Variants in CCDC175 observed in about 807,000 individuals in gnomAD.
CCDC175 encodes the protein coiled-coil domain-containing protein 175.
CCDC175 carries 100 observed loss-of-function variants against 114.6 expected under a neutral mutation model. The observed-to-expected ratio is 0.87, with a 90% CI of 0.74 to 1.03. The LOEUF is 1.03. CCDC175 is among the 50% of genes least tolerant of loss of function. The pLI, the probability that CCDC175 is intolerant of heterozygous loss-of-function variation, is 0.00. For synonymous variants in CCDC175, 306 were observed against 308.7 expected (o/e 0.99, Z 0.09); for missense variants, 880 against 917.8 (o/e 0.96, Z 0.53).
intron 7 of CCDC175, among the ~76,000 whole-genome samples, chr14:59,552,280 A>C (rs2103966): frequency 0.064 from 9,746 of 152,260 alleles, 413 homozygotes; most frequent in African/African-American, 0.11. Flanking sequence ...CTTGCAGAGG[A>C]ATGATCAGGC....
chr14:59,517,554 T>C (rs1893171189), intron 17 of CCDC175, among the ~76,000 whole-genome samples: 1 of 152,096 alleles, frequency 6.6e-6, no homozygotes, highest in African/African-American at 2.4e-5. Flanking sequence ...AAATCGTGAG[T>C]GAACTCCCAT....
chr14:59,515,283 A>T (rs1445214769), intron 17 of CCDC175, among the ~76,000 whole-genome samples: 2 of 152,224 alleles, frequency 1.3e-5, no homozygotes, highest in African/African-American at 4.8e-5. Context: ...ACCAGCTAAC[A>T]TCATAATGGC....
At chr14:59,522,771 G>T (rs10138007) in intron 16 of CCDC175, among the ~76,000 whole-genome samples, 59,151 of 152,136 alleles carry the variant, frequency 0.39, 12,294 homozygotes, top group African/African-American at 0.52. Context: ...TTCACCTGGT[G>T]TGGCAAGGTT....
In CCDC175 at chr14:59,531,871, C is replaced by G. The variant is rs1183029322; in HGVS notation, c.1663G>C (p.Glu555Gln). 7.7e-7 allele frequency: 1 copy of G among 1,294,462 alleles called. No individual in the cohort carries two copies. Among genetic ancestry groups the G allele is most frequent in the African/African-American group, 1.5e-5 (1 of 67,978 alleles). 80.2% of individuals were successfully genotyped at this position (1,294,462 alleles called of 1,614,324 possible). The change falls in exon 14 of 20, where the codon GAA becomes CAA. Residue 555 changes from glutamate to glutamine, a missense_variant. Transcript: ENST00000537690. The stretch of plus-strand genomic sequence containing the variant: ...GGAAGATACTCAACTAGTTCTTCTT[C>G]CTTTTCTTTGTTAATTTGTGTTTCC... ...VKETQINKEK[E>Q]EELVEYLPQL...
Position 59,555,844 on chromosome 14 carries a change from A to G in CCDC175, c.954-4408T>C, listed in dbSNP as rs573624791. 1.4e-3 allele frequency among the ~76,000 whole-genome samples: 213 copies of G among 152,336 alleles called. 1 individual carries two copies. Among genetic ancestry groups the G allele is most frequent in the African/African-American group, 4.9e-3 (202 of 41,576 alleles). On this transcript the variant is annotated intron_variant, in intron 7 of 19. Transcript: ENST00000537690. The stretch of plus-strand genomic sequence containing the variant: ...TAACAGACAAACAGAGAGCCAAATC[A>G]TGAGTGAACTCCCATTCACAATTGC...
chr14:59,520,924 G>C (rs2139980635), intron 17 of CCDC175, among the ~76,000 whole-genome samples: 1 of 152,278 alleles, frequency 6.6e-6, no homozygotes, highest in Admixed American at 6.5e-5. Context: ...GGTTACAATA[G>C]CATGTACATT....
chr14:59,509,767 C>T (rs1892645079), intron 19 of CCDC175, among the ~76,000 whole-genome samples: 1 of 152,160 alleles, frequency 6.6e-6, no homozygotes, highest in Non-Finnish European at 1.5e-5. Flanking sequence ...GCCTCAGCCT[C>T]CCAAAGTGCT....
chr14:59,543,361 T>C lies in CCDC175; in HGVS notation c.1266A>G (p.Thr422=). 3 of 1,385,854 alleles carry C rather than the reference T, an allele frequency of 2.2e-6. No individual in the cohort carries two copies. Among genetic ancestry groups the C allele is most frequent in the South Asian group, 1.4e-5 (1 of 69,544 alleles). 85.8% of individuals were successfully genotyped at this position (1,385,854 alleles called of 1,614,324 possible). A position where few individuals can be genotyped will look rare whatever the true frequency, so the allele number is the denominator to read the frequency against. The change falls in exon 10 of 20, where the codon ACA becomes ACG. Residue 422 remains threonine (T), a synonymous_variant. Coordinates refer to ENST00000537690, the MANE Select transcript of CCDC175 (RefSeq NM_001164399.2). ...DIKNMEEGLI[T]LQELQQATKT... ...AAACATACTGTTGAAGTTCCTGGAG[T>C]GTGATGAGTCCTTCTTCCATATTTT...
At chr14:59,576,586 G>A in intron 1 of CCDC175, 33 bp downstream of exon 1, 1 of 1,396,588 alleles carries the variant, frequency 7.2e-7, no homozygotes, top group Non-Finnish European at 9.2e-7. Flanking sequence ...CCTCTGAGGA[G>A]ACGTCCCTTC....
rs554526102 is a variant in CCDC175, at chr14:59,557,951, A to G, written c.953+3168T>C. Reference sequence around the variant, plus strand: ...AAAAAATAAGTAATATATCTCAGATACTATTAAGTGCTCCAAAGAACGCAA... The same window carrying G: ...AAAAAATAAGTAATATATCTCAGATGCTATTAAGTGCTCCAAAGAACGCAA... On this transcript the variant is annotated intron_variant, in intron 7 of 19. Transcript: ENST00000537690. 3.3e-5 allele frequency among the ~76,000 whole-genome samples: 5 copies of G among 152,288 alleles called. No individual in the cohort carries two copies. In the South Asian group the frequency reaches 1.0e-3, roughly 32 times the overall value.
At chr14:59,536,279 C>G (rs189637181) in intron 13 of CCDC175, among the ~76,000 whole-genome samples, 15 of 152,044 alleles carry the variant, frequency 9.9e-5, no homozygotes, top group African/African-American at 2.9e-4. Context: ...CTGCAGACAT[C>G]TGCAGGGCAC....
At chr14:59,551,307 A>C in intron 8 of CCDC175, 48 bp downstream of exon 8, 1 of 868,432 alleles carries the variant, frequency 1.2e-6, no homozygotes, top group Non-Finnish European at 1.7e-6. Context: ...CATTAACTAA[A>C]AATGAAATGT....
chr14:59,535,050 G>A (rs1894312684), intron 13 of CCDC175, among the ~76,000 whole-genome samples: 1 of 152,198 alleles, frequency 6.6e-6, no homozygotes. Context: ...ACCACAATGT[G>A]AGGTTGCTTC....
At chr14:59,558,607 G>A (rs1896057066) in intron 7 of CCDC175, among the ~76,000 whole-genome samples, 1 of 152,136 alleles carries the variant, frequency 6.6e-6, no homozygotes, top group Admixed American at 6.6e-5. Flanking sequence ...GTAAATGGCG[G>A]TGCCACATTA....
chr14:59,510,538 G>GA lies in CCDC175; in HGVS notation c.2305+107dup, dbSNP rs747089638. ...ATTGAATGTTTGTGGCATAATTGGG[G>GA]ATAACTAAGTCACTTAGTTGACACG... is the stretch of plus-strand genomic sequence containing the variant. On this transcript the variant is annotated intron_variant, in intron 19 of 19. Transcript: ENST00000537690. 4 of 1,072,456 alleles carry GA rather than the reference G, an allele frequency of 3.7e-6. No individual in the cohort carries two copies. The South Asian group carries it at 5.4e-5, about 15-fold the overall frequency. 66.4% of individuals were successfully genotyped at this position (1,072,456 alleles called of 1,614,324 possible).
Position 59,551,447 on chromosome 14 carries a change from A to T in CCDC175, c.954-11T>A. On this transcript the variant is annotated splice_polypyrimidine_tract_variant and intron_variant, in intron 7 of 19. Transcript: ENST00000537690. ...TCTGTGAAAAAACACCTATGAACAA[A>T]GGAAGCCAAACAGATTCATATAAGA... 7.5e-7 allele frequency: 1 copy of T among 1,341,598 alleles called. No homozygotes were observed. Among genetic ancestry groups the T allele is most frequent in the Non-Finnish European group, 1.0e-6 (1 of 1,003,504 alleles). The allele number at this position is 1,341,598 out of a possible 1,614,324, so 83.1% of individuals were successfully genotyped here.
chr14:59,555,324 A>G (rs1895817198), intron 7 of CCDC175, among the ~76,000 whole-genome samples: 1 of 152,206 alleles, frequency 6.6e-6, no homozygotes, highest in Non-Finnish European at 1.5e-5. Flanking sequence ...GCAAATCAAT[A>G]AACGTAATCC....
intron 8 of CCDC175, 43 bp from the exon 9 acceptor site, chr14:59,545,342 T>C: frequency 6.5e-7 from 1 of 1,528,980 alleles, no homozygotes; most frequent in African/African-American, 1.4e-5. Flanking sequence ...CTGGCTTCAC[T>C]GCTCCTCTGA....
chr14:59,548,236 A>T (rs960913964), intron 8 of CCDC175, among the ~76,000 whole-genome samples: 1 of 152,180 alleles, frequency 6.6e-6, no homozygotes, highest in Non-Finnish European at 1.5e-5. Flanking sequence ...TTATACGCAA[A>T]ATCTAAAAAA....
Sources: allele counts gnomAD v4.1 joint callset (sites outside exome capture counted in the v4.1 genomes callset), GRCh38; gene constraint gnomAD v4.1.1; transcripts MANE v1.5; gene names NCBI Gene and HGNC (gene_info 2026-07-23, HGNC 2026-07-21).